Variants in UGT2B15 observed in about 807,000 individuals in gnomAD.
UGT2B15 encodes UDP-glucuronosyltransferase 2B15.
UGT2B15 carries 36 observed loss-of-function variants against 45.9 expected under a neutral mutation model. That is an observed-to-expected ratio of 0.78 (90% CI 0.60 to 1.04). The LOEUF is 1.04. Ranked by LOEUF, UGT2B15 falls within the 50% of genes least tolerant of loss-of-function variation. The pLI, the probability that UGT2B15 is intolerant of heterozygous loss-of-function variation, is 0.00. For missense variants in UGT2B15, 617 were observed against 622.4 expected, an observed-to-expected ratio of 0.99 and a Z score of 0.09; for synonymous variants, 219 against 216.4, an observed-to-expected ratio of 1.01 and a Z score of -0.11.
intron 5 of UGT2B15, among the ~76,000 whole-genome samples, chr4:68,650,653 G>C (rs1732626827): frequency 6.6e-6 from 1 of 151,998 alleles, no homozygotes; most frequent in Non-Finnish European, 1.5e-5. Flanking sequence ...ATGCCTTTGG[G>C]TATATACGAA....
At chr4:68,653,980 T>A in intron 5 of UGT2B15, 57 bp downstream of exon 5, 1 of 1,592,034 alleles carries the variant, frequency 6.3e-7, no homozygotes, top group Non-Finnish European at 8.6e-7. Context: ...AAATTCATAT[T>A]CACTGTTGAC....
chr4:68,665,953 A>G (rs1203544339), intron 2 of UGT2B15, among the ~76,000 whole-genome samples: 1 of 152,122 alleles, frequency 6.6e-6, no homozygotes, highest in Admixed American at 6.6e-5. Flanking sequence ...AGGCTGAGGC[A>G]GGAGAATCAG....
At chr4:68,660,719 G>A (rs79047301) in intron 3 of UGT2B15, among the ~76,000 whole-genome samples, 12 of 151,728 alleles carry the variant, frequency 7.9e-5, no homozygotes, top group African/African-American at 2.2e-4. Flanking sequence ...TTTTCATGGC[G>A]ACACGTCTTC....
At chr4:68,668,486 AGTCAC>A (rs1733207479) in intron 1 of UGT2B15, among the ~76,000 whole-genome samples, 1 of 152,000 alleles carries the variant, frequency 6.6e-6, no homozygotes. Context: ...TATTAAAATA[AGTCAC>A]TAATATGGTT....
chr4:68,656,294 A>T lies in UGT2B15; in HGVS notation c.1006-1112T>A, dbSNP rs1277758317. 3.9e-5 allele frequency among the ~76,000 whole-genome samples: 6 copies of T among 151,990 alleles called. 1 individual carries two copies. Among genetic ancestry groups the T allele is most frequent in the Non-Finnish European group, 8.8e-5 (6 of 67,978 alleles). ...TTGGCCTGAAACCCATCCGTAGGTA[A>T]ACAGCTGAATTGCGGTTTTGTCTTG... On this transcript the variant is annotated intron_variant, in intron 3 of 5. Transcript: ENST00000338206.
chr4:68,667,554 T>G, intron 2 of UGT2B15, among the ~76,000 whole-genome samples: 1 of 152,128 alleles, frequency 6.6e-6, no homozygotes, highest in African/African-American at 2.4e-5. Flanking sequence ...TCACTTTAAT[T>G]GTCAATGAGT....
At chr4:68,665,194 T>G (rs977404568) in intron 2 of UGT2B15, among the ~76,000 whole-genome samples, 5 of 152,192 alleles carry the variant, frequency 3.3e-5, no homozygotes, top group Non-Finnish European at 7.3e-5. Context: ...ATTTAAAATG[T>G]GTGCCATTTC....
Position 68,663,118 on chromosome 4 carries a change from T to G in UGT2B15, c.895A>C (p.Ser299Arg). The G allele has an allele frequency of 6.4e-7, 1 of 1,561,876 alleles. No individual in the cohort carries two copies. Among genetic ancestry groups the G allele is most frequent in the South Asian group, 1.2e-5 (1 of 84,516 alleles). The change falls in exon 3 of 6, where the codon AGC becomes CGC. Residue 299 changes from serine to arginine, a missense_variant. Transcript: ENST00000338206. The stretch of plus-strand genomic sequence containing the variant: ...ACCACAATACCATTTTCTCCAGAGC[T>G]CTGCACAAACTCTTCCATTTCCTGT... ...LPKEMEEFVQSSGENGIVVFS... is the reference protein window; with the variant it reads ...LPKEMEEFVQRSGENGIVVFS...
At position 68,664,429 on chromosome 4, in the gene UGT2B15, C is replaced by T. The variant is rs536472889; in HGVS notation, c.874-1290G>A. Among the ~76,000 whole-genome samples, 6 of 152,114 alleles carry T rather than the reference C, an allele frequency of 3.9e-5. No individual in the cohort carries two copies. The South Asian group carries it at 1.2e-3, about 32-fold the overall frequency. On this transcript the variant is annotated intron_variant, in intron 2 of 5. Coordinates refer to ENST00000338206, the MANE Select transcript of UGT2B15 (RefSeq NM_001076.4). ...TAATGACCAACCCCTTCTGTCATAACAAATATACTTTCTGGTCCTAATCAT... is the reference window on the plus strand; with the variant it reads ...TAATGACCAACCCCTTCTGTCATAATAAATATACTTTCTGGTCCTAATCAT...
intron 2 of UGT2B15, among the ~76,000 whole-genome samples, chr4:68,665,765 TAAC>T (rs1482380525): frequency 6.6e-6 from 1 of 152,090 alleles, no homozygotes; most frequent in Non-Finnish European, 1.5e-5. Context: ...TTCTGCAAGT[TAAC>T]AACAACGGAG....
rs565489735 is a variant in UGT2B15, at chr4:68,653,964, G to A, written c.1313+73C>T. 4.4e-5 allele frequency: 69 copies of A among 1,566,868 alleles called. No homozygotes were observed. The South Asian group carries it at 6.4e-4, about 14-fold the overall frequency. On this transcript the variant is annotated intron_variant, in intron 5 of 5. Coordinates refer to ENST00000338206, the MANE Select transcript of UGT2B15 (RefSeq NM_001076.4). The stretch of plus-strand genomic sequence containing the variant: ...CCTTCAAAATTAGTCTCTTAAAAAC[G>A]GGTTAAAATTCATATTCACTGTTGA...
intron 1 of UGT2B15, among the ~76,000 whole-genome samples, chr4:68,669,516 T>A (rs1453106616): frequency 1.1e-4 from 17 of 152,166 alleles, no homozygotes; most frequent in Admixed American, 1.1e-3. Context: ...GCATTGATAA[T>A]TTTTCTAGAA....
intron 1 of UGT2B15, 151 bp downstream of exon 1, chr4:68,669,744 T>C: frequency 8.4e-7 from 1 of 1,190,030 alleles, no homozygotes; most frequent in Non-Finnish European, 1.2e-6. Context: ...CAACATTCTA[T>C]AATATTTTTG....
chr4:68,655,064 T>C (rs1412346190), intron 4 of UGT2B15, 31 bp downstream of exon 4: 1 of 1,602,994 alleles, frequency 6.2e-7, no homozygotes, highest in Non-Finnish European at 8.5e-7. Context: ...CTGTTACTAA[T>C]ATATTCACTG....
chr4:68,649,240 A>G (rs1162630920), intron 5 of UGT2B15, among the ~76,000 whole-genome samples: 13 of 146,836 alleles, frequency 8.9e-5, no homozygotes, highest in Non-Finnish European at 3.0e-5. Flanking sequence ...ATGGCCCAGC[A>G]TATGGTAAAT....
At chr4:68,649,078 T>C (rs1732572329) in intron 5 of UGT2B15, among the ~76,000 whole-genome samples, 1 of 151,922 alleles carries the variant, frequency 6.6e-6, no homozygotes, top group Admixed American at 6.6e-5. Context: ...GAATTTTTTG[T>C]TGACTGAATT....
chr4:68,653,995 T>G (rs2109823229), intron 5 of UGT2B15, 42 bp downstream of exon 5: 1 of 1,599,112 alleles, frequency 6.3e-7, no homozygotes, highest in Non-Finnish European at 8.6e-7. Context: ...GTTGACAAAA[T>G]AATTTATAAA....
At chr4:68,654,346 C>A (rs1732742786) in intron 4 of UGT2B15, 90 bp from the exon 5 acceptor site, 1 of 1,357,664 alleles carries the variant, frequency 7.4e-7, no homozygotes, top group East Asian at 2.3e-5. Context: ...TAAAGCAAAA[C>A]TGTTCCCTAG....
At chr4:68,649,847 T>G (rs931494691) in intron 5 of UGT2B15, among the ~76,000 whole-genome samples, 1 of 150,762 alleles carries the variant, frequency 6.6e-6, no homozygotes, top group Non-Finnish European at 1.5e-5. Flanking sequence ...TGCTTTTTTG[T>G]TTTTTTTTGA....
Sources: allele counts gnomAD v4.1 joint callset (sites outside exome capture counted in the v4.1 genomes callset), GRCh38; gene constraint gnomAD v4.1.1; transcripts MANE v1.5; gene names NCBI Gene and HGNC (gene_info 2026-07-23, HGNC 2026-07-21).